Variants in S100Z observed in about 807,000 individuals in gnomAD.
S100Z encodes S100 calcium binding protein Z.
A neutral mutation model predicts 8.5 loss-of-function variants in S100Z; 11 were observed. That is an observed-to-expected ratio of 1.30 (90% CI 0.82 to 2.15). S100Z has a LOEUF of 2.15. Ranked by LOEUF, S100Z falls within the 30% of genes most tolerant of loss-of-function variation. The pLI, the probability that S100Z is intolerant of heterozygous loss-of-function variation, is 0.00. For synonymous variants in S100Z, 34 were observed against 43.8 expected (o/e 0.78, Z 0.89); for missense variants, 126 against 117.9 (o/e 1.07, Z -0.32).
the S100Z span, among the ~76,000 whole-genome samples, chr5:76,936,040 G>C: frequency 6.6e-6 from 1 of 152,110 alleles, no homozygotes; most frequent in South Asian, 2.1e-4. Flanking sequence ...GCGTCCCCAA[G>C]TACTGGGATT....
At chr5:76,873,964 T>C (rs1311189123) in intron 2 of S100Z, among the ~76,000 whole-genome samples, 1 of 152,218 alleles carries the variant, frequency 6.6e-6, no homozygotes, top group Non-Finnish European at 1.5e-5. Flanking sequence ...TTCCTATAAC[T>C]GAAAAAGTTA....
chr5:76,936,631 A>G, the S100Z span, among the ~76,000 whole-genome samples: 32 of 134,352 alleles, frequency 2.4e-4, no homozygotes, highest in African/African-American at 9.1e-4. Context: ...ACACACACAC[A>G]CACACACACA....
intron 4 of S100Z, among the ~76,000 whole-genome samples, chr5:76,899,930 T>C (rs1744174097): frequency 6.6e-6 from 1 of 152,258 alleles, no homozygotes; most frequent in African/African-American, 2.4e-5. Flanking sequence ...AGGATAGGTC[T>C]GGTATTAATG....
chr5:76,917,705 C>G (rs1213490007), intron 4 of S100Z, among the ~76,000 whole-genome samples: 1 of 151,908 alleles, frequency 6.6e-6, no homozygotes, highest in African/African-American at 2.4e-5. Flanking sequence ...TGCCTGTAAT[C>G]CCAGCTACAA....
chr5:76,854,984 G>A (rs74812337), intron 1 of S100Z, among the ~76,000 whole-genome samples: 6,924 of 152,298 alleles, frequency 0.045, 288 homozygotes, highest in African/African-American at 0.11. Flanking sequence ...ATGGCTCAAA[G>A]TTCCTGCCAC....
At chr5:76,880,270 C>G (rs1235448016) in intron 4 of S100Z, among the ~76,000 whole-genome samples, 1 of 152,200 alleles carries the variant, frequency 6.6e-6, no homozygotes, top group Non-Finnish European at 1.5e-5. Flanking sequence ...TTCAGGCCAT[C>G]TGGATGTATA....
intron 2 of S100Z, among the ~76,000 whole-genome samples, chr5:76,871,146 C>T (rs553750117): frequency 5.4e-4 from 82 of 152,192 alleles, no homozygotes; most frequent in Non-Finnish European, 9.4e-4. Flanking sequence ...GGTAGCATCA[C>T]ATGACAGATA....
At position 76,853,143 on chromosome 5, in the gene S100Z, C is replaced by A. The variant is rs188660732; in HGVS notation, c.-176+2988C>A. ...GGGCCAATGTGATACAGTTCAGACACCTAATTTTCTACTGATCTGGCTATA... is the reference window on the plus strand; with the variant it reads ...GGGCCAATGTGATACAGTTCAGACAACTAATTTTCTACTGATCTGGCTATA... On this transcript the variant is annotated intron_variant, in intron 1 of 4. Coordinates refer to ENST00000317593, the MANE Select transcript of S100Z (RefSeq NM_130772.4). Among the ~76,000 whole-genome samples the A allele has an allele frequency of 3.9e-5, 6 of 152,304 alleles. No homozygotes were observed. The East Asian group carries it at 1.2e-3, about 29-fold the overall frequency.
At chr5:76,906,425 C>T (rs1744423809) in intron 4 of S100Z, among the ~76,000 whole-genome samples, 3 of 152,146 alleles carry the variant, frequency 2.0e-5, no homozygotes, top group African/African-American at 7.2e-5. Context: ...CAACATCACT[C>T]CATTTCTCTG....
At chr5:76,885,819 A>G (rs1391507248) in intron 4 of S100Z, among the ~76,000 whole-genome samples, 2 of 145,410 alleles carry the variant, frequency 1.4e-5, no homozygotes, top group African/African-American at 5.2e-5. Context: ...AAGTGGAGAG[A>G]AAAGACAGTA....
At chr5:76,883,014 T>C (rs1365725084) in intron 4 of S100Z, among the ~76,000 whole-genome samples, 1 of 152,108 alleles carries the variant, frequency 6.6e-6, no homozygotes, top group African/African-American at 2.4e-5. Flanking sequence ...CTTGTCTTGT[T>C]TTAGGACAGG....
At chr5:76,893,850 T>A (rs1743946742) in intron 4 of S100Z, among the ~76,000 whole-genome samples, 2 of 152,208 alleles carry the variant, frequency 1.3e-5, no homozygotes, top group African/African-American at 4.8e-5. Flanking sequence ...ACCCTGGGTT[T>A]CTACTATCTC....
At chr5:76,895,084 C>A (rs1278895322) in intron 4 of S100Z, among the ~76,000 whole-genome samples, 1 of 152,090 alleles carries the variant, frequency 6.6e-6, no homozygotes, top group African/African-American at 2.4e-5. Flanking sequence ...CCATGCGTGG[C>A]CACTCCCCCT....
intron 2 of S100Z, among the ~76,000 whole-genome samples, chr5:76,874,688 C>T (rs1239035024): frequency 1.3e-5 from 2 of 151,998 alleles, no homozygotes; most frequent in Non-Finnish European, 2.9e-5. Context: ...TATTTTCCTT[C>T]CTATTTTTAT....
the S100Z span, among the ~76,000 whole-genome samples, chr5:76,938,347 G>C: frequency 6.6e-6 from 1 of 152,142 alleles, no homozygotes; most frequent in Non-Finnish European, 1.5e-5. Flanking sequence ...GGTTAGAGTA[G>C]TATTTTATGT....
At chr5:76,869,955 A>G (rs977845611) in intron 1 of S100Z, among the ~76,000 whole-genome samples, 3 of 151,926 alleles carry the variant, frequency 2.0e-5, no homozygotes, top group African/African-American at 7.3e-5. Context: ...CCCAGGAGGC[A>G]GAGGTTGCAG....
chr5:76,915,457 A>G (rs1744824384), intron 4 of S100Z, among the ~76,000 whole-genome samples: 1 of 151,294 alleles, frequency 6.6e-6, no homozygotes, highest in African/African-American at 2.4e-5. Flanking sequence ...ATACAAAAAA[A>G]ATTAGCCAGG....
At chr5:76,946,806 C>T in the S100Z span, among the ~76,000 whole-genome samples, 1 of 152,034 alleles carries the variant, frequency 6.6e-6, no homozygotes, top group South Asian at 2.1e-4. Flanking sequence ...GTATATATCA[C>T]CATTTCACAT....
At chr5:76,912,663 C>T (rs1233164258) in intron 4 of S100Z, among the ~76,000 whole-genome samples, 2 of 152,216 alleles carry the variant, frequency 1.3e-5, no homozygotes, top group African/African-American at 4.8e-5. Context: ...TGGGGGGAAC[C>T]CCCATAAAAT....
Sources: allele counts gnomAD v4.1 joint callset (sites outside exome capture counted in the v4.1 genomes callset), GRCh38; gene constraint gnomAD v4.1.1; transcripts MANE v1.5; gene names NCBI Gene and HGNC (gene_info 2026-07-23, HGNC 2026-07-21).